The following ATP2C2 variants were observed in gnomAD, a reference collection of about 807,000 sequenced individuals.
The protein encoded by ATP2C2 is ATPase secretory pathway Ca2+ transporting 2, also known as calcium-transporting ATPase type 2C member 2.
Under a neutral mutation model 110.8 loss-of-function variants are expected in ATP2C2, and 171 were observed. The observed-to-expected ratio is 1.54, with a 90% CI of 1.36 to 1.75. The LOEUF is 1.75. Among genes scored for constraint, ATP2C2 ranks in the 40% most tolerant of loss-of-function variants. ATP2C2 has a pLI of 0.00. For synonymous variants in ATP2C2, 804 were observed against 508.4 expected (o/e 1.58, Z -7.82); for missense variants, 1,963 against 1,235.0 (o/e 1.59, Z -8.84).
At chr16:84,405,833 T>C (rs929746461) in intron 3 of ATP2C2, among the ~76,000 whole-genome samples, 9 of 152,106 alleles carry the variant, frequency 5.9e-5, no homozygotes, top group African/African-American at 1.9e-4. Flanking sequence ...GGTGGGAGGA[T>C]TGTTGGAACC....
intron 11 of ATP2C2, among the ~76,000 whole-genome samples, chr16:84,438,376 C>T (rs1226441145): frequency 1.3e-5 from 2 of 152,170 alleles, no homozygotes; most frequent in Non-Finnish European, 2.9e-5. Context: ...GAATGTGGGG[C>T]CAGTCAGCCC....
At chr16:84,443,381 C>T (rs1195557026) in intron 15 of ATP2C2, among the ~76,000 whole-genome samples, 2 of 152,154 alleles carry the variant, frequency 1.3e-5, no homozygotes, top group African/African-American at 4.8e-5. Flanking sequence ...CTTTCCCCGA[C>T]CCGCTCCGTG....
chr16:84,463,637 G>C lies in ATP2C2; in HGVS notation c.2746G>C (p.Ala916Pro), dbSNP rs372852692. 3 of 1,614,014 alleles carry C rather than the reference G, an allele frequency of 1.9e-6. No individual in the cohort carries two copies. The highest frequency in any genetic ancestry group is 2.2e-5 in the East Asian group (1 of 44,898). Residue 916 changes from alanine to proline, a missense_variant, in exon 27 of 27, where the codon GCC becomes CCC. By Grantham distance (27) the Ala-to-Pro change is conservative (BLOSUM62 -1). Coordinates refer to ENST00000262429, the MANE Select transcript of ATP2C2 (RefSeq NM_014861.4). ...ALDLLFLTGL[A>P]SSVFILSELL... Reference sequence around the variant, plus strand: ...AGATTTGCTGTTTTTAACTGGATTGGCCTCATCCGTCTTCATTTTGTCAGA... The same window carrying C: ...AGATTTGCTGTTTTTAACTGGATTGCCCTCATCCGTCTTCATTTTGTCAGA...
chr16:84,430,294 C>A (rs1031961699), intron 11 of ATP2C2, among the ~76,000 whole-genome samples: 1 of 152,096 alleles, frequency 6.6e-6, no homozygotes, highest in Non-Finnish European at 1.5e-5. Flanking sequence ...CTGGGAAGAC[C>A]CGTCTACGCG....
At chr16:84,402,860 G>T (rs1226952021) in intron 2 of ATP2C2, among the ~76,000 whole-genome samples, 1 of 152,124 alleles carries the variant, frequency 6.6e-6, no homozygotes, top group Non-Finnish European at 1.5e-5. Context: ...AGTAGGATTG[G>T]TATCGCTTCT....
At chr16:84,429,504 C>T (rs191961664) in intron 11 of ATP2C2, among the ~76,000 whole-genome samples, 170 of 152,252 alleles carry the variant, frequency 1.1e-3, no homozygotes, top group Admixed American at 4.1e-3. Flanking sequence ...GTGTATAGCA[C>T]GTGACTGCGT....
chr16:84,442,402 C>G (rs561674394), intron 14 of ATP2C2, 108 bp from the exon 15 acceptor site: 1 of 995,776 alleles, frequency 1.0e-6, no homozygotes, highest in Admixed American at 1.8e-5. Flanking sequence ...TTTTAAAGAG[C>G]AAGTCTTGTC....
chr16:84,449,911 C>G (rs911068059), intron 17 of ATP2C2, among the ~76,000 whole-genome samples: 3 of 152,242 alleles, frequency 2.0e-5, no homozygotes, highest in Non-Finnish European at 2.9e-5. Context: ...GGCACTTGGG[C>G]CCCACTTGTG....
intron 4 of ATP2C2, among the ~76,000 whole-genome samples, chr16:84,410,318 G>A (rs1019790053): frequency 2.5e-4 from 38 of 152,056 alleles, no homozygotes; most frequent in African/African-American, 9.2e-4. Context: ...TATAAGATGC[G>A]GTGCCTTAAG....
At chr16:84,428,014 C>G (rs1219515539) in intron 11 of ATP2C2, among the ~76,000 whole-genome samples, 1 of 152,132 alleles carries the variant, frequency 6.6e-6, no homozygotes, top group Non-Finnish European at 1.5e-5. Context: ...TTGAGAGGGT[C>G]CTCGGAGCCT....
rs780516289 is a variant in ATP2C2 at position 84,451,990 on chromosome 16, C to T, written c.1730C>T (p.Pro577Leu). ...TFLGLVGIID[P>L]PRVGVKEAVQ... is the part of the protein sequence containing the mutation. ...CTCGGTCTTGTGGGCATCATTGACC[C>T]CCCGAGAGTTGGCGTGAAGGAAGCA... Residue 577 changes from proline to leucine, a missense_variant, in exon 18 of 27, where the codon CCC becomes CTC. Physicochemically the swap from Pro to Leu is moderately conservative, Grantham distance 98. Coordinates refer to ENST00000262429, the MANE Select transcript of ATP2C2 (RefSeq NM_014861.4). The T allele has an allele frequency of 6.2e-7, 1 of 1,614,000 alleles. No homozygotes were observed. The highest frequency in any genetic ancestry group is 8.5e-7 in the Non-Finnish European group (1 of 1,180,014).
chr16:84,440,325 T>A (rs192952889), intron 13 of ATP2C2, among the ~76,000 whole-genome samples: 8 of 152,344 alleles, frequency 5.3e-5, no homozygotes, highest in Middle Eastern at 3.4e-3. Context: ...GAATGTGCAA[T>A]TTTTTTATCC....
At chr16:84,460,278 G>C (rs908233183) in intron 23 of ATP2C2, 1 of 304,310 alleles carries the variant, frequency 3.3e-6, no homozygotes, top group Admixed American at 4.6e-5. Context: ...GCTGGAGGCT[G>C]GTCTCTCTCA....
At chr16:84,387,815 G>A (rs1436864106) in intron 1 of ATP2C2, among the ~76,000 whole-genome samples, 1 of 152,124 alleles carries the variant, frequency 6.6e-6, no homozygotes, top group Admixed American at 6.6e-5. Context: ...GACTGGGTGT[G>A]GTGGCTGATG....
intron 1 of ATP2C2, among the ~76,000 whole-genome samples, chr16:84,390,735 A>G (rs1462901810): frequency 6.6e-6 from 1 of 152,180 alleles, no homozygotes. Flanking sequence ...CAAAGGTACT[A>G]GATGCACTGA....
rs76367325 is a variant in ATP2C2 at position 84,397,360 on chromosome 16, C to A, written c.100-1139C>A. 2.3e-3 allele frequency among the ~76,000 whole-genome samples: 343 copies of A among 151,688 alleles called. 11 individuals carry two copies. Among genetic ancestry groups the A allele is most frequent in the African/African-American group, 7.4e-3 (304 of 41,082 alleles). ...TATCATCAGTAGGAGGCACTCTCTGCAATATGGTGCATACTTGATGGAGAA... is the reference window on the plus strand; with the variant it reads ...TATCATCAGTAGGAGGCACTCTCTGAAATATGGTGCATACTTGATGGAGAA... On this transcript the variant is annotated intron_variant, in intron 1 of 26. Transcript: ENST00000262429.
At chr16:84,394,426 A>G (rs1258039957) in intron 1 of ATP2C2, among the ~76,000 whole-genome samples, 4 of 151,936 alleles carry the variant, frequency 2.6e-5, no homozygotes, top group Admixed American at 2.6e-4. Flanking sequence ...GGCCTTTCCT[A>G]TGAGTGGACT....
At chr16:84,382,417 C>A (rs1365571869) in intron 1 of ATP2C2, among the ~76,000 whole-genome samples, 1 of 152,092 alleles carries the variant, frequency 6.6e-6, no homozygotes, top group African/African-American at 2.4e-5. Flanking sequence ...TTCACAGAAA[C>A]CTCCCCACCC....
At chr16:84,409,934 G>A (rs929816972) in intron 4 of ATP2C2, among the ~76,000 whole-genome samples, 35 of 152,272 alleles carry the variant, frequency 2.3e-4, no homozygotes, top group African/African-American at 7.7e-4. Context: ...AGTAGGCCGG[G>A]TGCGGTGGCT....
Sources: allele counts gnomAD v4.1 joint callset (sites outside exome capture counted in the v4.1 genomes callset), GRCh38; gene constraint gnomAD v4.1.1; transcripts MANE v1.5; gene names NCBI Gene and HGNC (gene_info 2026-07-23, HGNC 2026-07-21).